The following MID1 variants were observed in gnomAD, a reference collection of about 807,000 sequenced individuals.
The protein encoded by MID1 is midline 1, also known as E3 ubiquitin-protein ligase Midline-1.
A neutral mutation model predicts 40.4 loss-of-function variants in MID1; 7 were observed. The observed-to-expected ratio is 0.17, with a 90% CI of 0.10 to 0.33. The LOEUF (loss-of-function observed/expected upper bound fraction) is 0.33, where lower values mean the gene tolerates loss of function less well. MID1 is among the 10% of genes least tolerant of loss of function. The pLI is 1.00. For missense variants in MID1, 367 were observed against 558.5 expected (o/e 0.66, Z 3.46); for synonymous variants, 229 against 221.2 (o/e 1.04, Z -0.31).
At chrX:10,483,875 T>TTAGAA (rs1313561891) in intron 4 of MID1, among the ~76,000 whole-genome samples, 3 of 112,097 alleles carry the variant, frequency 2.7e-5, no homozygotes, top group African/African-American at 9.7e-5. Flanking sequence ...TCATACTGAA[T>TTAGAA]TAGAAGCAGC....
intron 1 of MID1, among the ~76,000 whole-genome samples, chrX:10,613,113 C>T (rs758167680): frequency 1.3e-4 from 15 of 111,339 alleles, no homozygotes; most frequent in Non-Finnish European, 2.8e-4. Flanking sequence ...TCAATGAATT[C>T]CATTTTCCCA....
chrX:10,519,905 C>T (rs1367590628), intron 3 of MID1, among the ~76,000 whole-genome samples: 2 of 112,119 alleles, frequency 1.8e-5, no homozygotes, highest in Admixed American at 1.9e-4. Flanking sequence ...TAAGTAAAAG[C>T]ACAGACTTTA....
chrX:10,531,379 T>A (rs1247927997), intron 2 of MID1, among the ~76,000 whole-genome samples: 1 of 112,397 alleles, frequency 8.9e-6, no homozygotes, highest in Non-Finnish European at 1.9e-5. Context: ...AATTTTTTAA[T>A]GCATTTTTTT....
chrX:10,831,646 C>T (rs943103443), intron 1 of MID1, among the ~76,000 whole-genome samples: 1 of 111,466 alleles, frequency 9.0e-6, no homozygotes, highest in African/African-American at 3.3e-5. Context: ...ATATTATTAC[C>T]CCCAAACAGG....
chrX:10,448,317 G>C lies in MID1; in HGVS notation c.*1051C>G, dbSNP rs1928127340. Reference sequence around the variant, plus strand: ...TTTTCAGTGACTTATGTTTGGATGTGGTAGTGCTGATCAGGGCCATGTGCT... The same window carrying C: ...TTTTCAGTGACTTATGTTTGGATGTCGTAGTGCTGATCAGGGCCATGTGCT... On this transcript the variant is annotated 3_prime_UTR_variant, in exon 10 of 10. Coordinates refer to ENST00000317552, the MANE Select transcript of MID1 (RefSeq NM_000381.4). The C allele has an allele frequency of 9.0e-6, 1 of 111,163 alleles. No homozygotes were observed. Among genetic ancestry groups the C allele is most frequent in the South Asian group, 3.8e-4 (1 of 2,638 alleles). The allele number at this position is 111,163 out of a possible 1,213,427, so 9.2% of individuals were successfully genotyped here. A position where few individuals can be genotyped will look rare whatever the true frequency, so the allele number is the denominator to read the frequency against.
intron 1 of MID1, among the ~76,000 whole-genome samples, chrX:10,765,329 T>C (rs2043712891): frequency 8.9e-6 from 1 of 112,356 alleles, no homozygotes; most frequent in African/African-American, 3.2e-5. Flanking sequence ...CAGTGTGACA[T>C]TGATTTTATG....
chrX:10,783,616 C>G (rs1358880850), intron 1 of MID1, among the ~76,000 whole-genome samples: 1 of 111,931 alleles, frequency 8.9e-6, no homozygotes, highest in East Asian at 2.8e-4. Flanking sequence ...AAGAAAAGTC[C>G]TCAACACCAA....
At chrX:10,605,014 T>C (rs1297292884) in intron 1 of MID1, among the ~76,000 whole-genome samples, 3 of 112,502 alleles carry the variant, frequency 2.7e-5, no homozygotes, top group Non-Finnish European at 5.6e-5. Flanking sequence ...CTTTTGAGAA[T>C]GCTCAGCTGC....
intron 2 of MID1, among the ~76,000 whole-genome samples, chrX:10,552,069 C>T (rs940712802): frequency 9.1e-6 from 1 of 110,455 alleles, no homozygotes; most frequent in Non-Finnish European, 1.9e-5. Flanking sequence ...GGATTACAAA[C>T]GTAAGCCACT....
intron 1 of MID1, among the ~76,000 whole-genome samples, chrX:10,789,260 T>C (rs974796849): frequency 3.6e-5 from 4 of 112,175 alleles, no homozygotes; most frequent in African/African-American, 1.3e-4. Flanking sequence ...TATATGACAA[T>C]GAATAGATTA....
At chrX:10,588,992 C>A (rs1303105903) in intron 1 of MID1, among the ~76,000 whole-genome samples, 1 of 111,457 alleles carries the variant, frequency 9.0e-6, no homozygotes, top group African/African-American at 3.3e-5. Flanking sequence ...AACATAGTTC[C>A]TAGTAGGGTG....
intron 5 of MID1, chrX:10,475,199 T>C (rs1185073671): frequency 3.0e-6 from 1 of 331,998 alleles, no homozygotes. Flanking sequence ...TCAAACTGCA[T>C]AAAAGGCAAA....
chrX:10,721,747 T>C (rs752170984), intron 1 of MID1, among the ~76,000 whole-genome samples: 1 of 109,615 alleles, frequency 9.1e-6, no homozygotes, highest in South Asian at 3.9e-4. Flanking sequence ...TTTCTGAAAA[T>C]TAAAGCTAAA....
intron 6 of MID1, among the ~76,000 whole-genome samples, chrX:10,470,045 G>A (rs1173372334): frequency 8.9e-6 from 1 of 112,361 alleles, no homozygotes; most frequent in East Asian, 2.8e-4. Context: ...GAGTCAGCCA[G>A]TATGGACTTT....
intron 1 of MID1, among the ~76,000 whole-genome samples, chrX:10,687,438 A>G (rs2043106727): frequency 8.9e-6 from 1 of 111,968 alleles, no homozygotes; most frequent in African/African-American, 3.2e-5. Flanking sequence ...TGCACGAGAA[A>G]AATACCCCCA....
intron 1 of MID1, among the ~76,000 whole-genome samples, chrX:10,600,094 G>C (rs1935490505): frequency 8.9e-6 from 1 of 111,850 alleles, no homozygotes; most frequent in Non-Finnish European, 1.9e-5. Flanking sequence ...TATCTACAGG[G>C]TTTGGTTGAA....
At chrX:10,465,675 G>A (rs1193745809) in intron 7 of MID1, among the ~76,000 whole-genome samples, 2 of 110,856 alleles carry the variant, frequency 1.8e-5, no homozygotes, top group African/African-American at 3.3e-5. Context: ...TGGCCTTGAC[G>A]AAGCAAGCTG....
chrX:10,577,296 G>A (rs990981077), intron 1 of MID1, among the ~76,000 whole-genome samples: 2 of 111,988 alleles, frequency 1.8e-5, no homozygotes, highest in African/African-American at 6.5e-5. Flanking sequence ...GCTGGGAACA[G>A]GCACTAGACT....
At chrX:10,606,202 T>C (rs1935623170) in intron 1 of MID1, among the ~76,000 whole-genome samples, 1 of 111,341 alleles carries the variant, frequency 9.0e-6, no homozygotes, top group South Asian at 3.7e-4. Flanking sequence ...AAGATACATA[T>C]TTTAATTCTA....
Sources: gnomAD v4.1 joint callset for allele counts (sites outside exome capture counted in the v4.1 genomes callset) on GRCh38, gnomAD v4.1.1 for gene constraint, MANE v1.5 for transcripts, NCBI Gene and HGNC (gene_info 2026-07-23, HGNC 2026-07-21) for gene names.